ZNF568: variants seen among roughly 807,000 people sequenced by gnomAD.
The protein encoded by ZNF568 is zinc finger protein 568.
A neutral mutation model predicts 18.1 loss-of-function variants in ZNF568; 11 were observed. The observed-to-expected ratio is 0.61, with a 90% CI of 0.38 to 1.00. ZNF568 has a LOEUF of 1.00. Among genes scored for constraint, ZNF568 ranks in the 50% least tolerant of loss-of-function variants. The probability of loss-of-function intolerance (pLI) is 0.01; values close to 1 mark genes in which losing one functional copy is unlikely to be tolerated. For synonymous variants in ZNF568, 213 were observed against 246.6 expected, an observed-to-expected ratio of 0.86 and a Z score of 1.28; for missense variants, 639 against 768.2, an observed-to-expected ratio of 0.83 and a Z score of 1.99.
intron 4 of ZNF568, among the ~76,000 whole-genome samples, chr19:36,927,452 A>G (rs2073574905): frequency 1.3e-5 from 2 of 152,142 alleles, no homozygotes. Flanking sequence ...AACACCGTTT[A>G]TTAAGTAGAT....
intron 6 of ZNF568, among the ~76,000 whole-genome samples, chr19:36,972,730 C>T (rs886394088): frequency 2.0e-5 from 3 of 152,236 alleles, no homozygotes; most frequent in Non-Finnish European, 4.4e-5. Context: ...CAGAGCGCGG[C>T]TCCCTGTGGA....
chr19:36,939,540 T>C (rs1600799743), intron 6 of ZNF568, among the ~76,000 whole-genome samples: 1 of 63,044 alleles, frequency 1.6e-5, no homozygotes, highest in African/African-American at 7.3e-5. Flanking sequence ...TTCTTTTTTT[T>C]TTTTTTTTTT....
At chr19:36,991,913 C>A in intron 4 of ZNF568, 1 of 1,322,780 alleles carries the variant, frequency 7.6e-7, no homozygotes, top group Non-Finnish European at 1.0e-6. Flanking sequence ...TGTGAGAAGG[C>A]AGCACTTCAG....
In ZNF568 at chr19:36,996,552, C is replaced by A; in HGVS notation, c.465C>A (p.Cys155Ter). 6.5e-7 allele frequency: 1 copy of A among 1,535,964 alleles called. No homozygotes were observed. Among genetic ancestry groups the A allele is most frequent in the Non-Finnish European group, 8.7e-7 (1 of 1,146,872 alleles). ...ATACTGGAGAGAAATCCTGTGAATG[C>A]AGGAAATGTAAGAATGCTTTTAGGT... Residue 155 changes from cysteine (C) to a stop codon, truncating the protein, a stop_gained, in exon 5 of 5, where the codon TGC becomes TGA. Coordinates refer to the ZNF568 transcript ENST00000433993. LOFTEE classifies it low-confidence loss of function (END_TRUNC).
chr19:36,926,747 T>C (rs1169830566), intron 4 of ZNF568, among the ~76,000 whole-genome samples: 3 of 152,250 alleles, frequency 2.0e-5, no homozygotes, highest in Non-Finnish European at 4.4e-5. Context: ...GCCAGATGTA[T>C]TGTGCTTTAC....
intron 6 of ZNF568, among the ~76,000 whole-genome samples, chr19:36,960,110 CTTTTTTT>C (rs34588591): frequency 4.6e-5 from 4 of 87,664 alleles, no homozygotes; most frequent in Non-Finnish European, 6.5e-5. Context: ...AATTGTTCTA[CTTTTTTT>C]TTTTTTTTTT....
intron 2 of ZNF568, among the ~76,000 whole-genome samples, chr19:36,921,123 T>C (rs1347978280): frequency 6.6e-6 from 1 of 152,196 alleles, no homozygotes; most frequent in Non-Finnish European, 1.5e-5. Context: ...CATATCTCTG[T>C]TGCAAAGTGA....
chr19:36,949,617 G>T lies in ZNF568; in HGVS notation c.464G>T (p.Cys155Phe), dbSNP rs755604363. 6.2e-7 allele frequency: 1 copy of T among 1,613,566 alleles called. No homozygotes were observed. Among genetic ancestry groups the T allele is most frequent in the Non-Finnish European group, 8.5e-7 (1 of 1,179,826 alleles). Residue 155 changes from cysteine (C) to phenylalanine (F), a missense_variant, in exon 7 of 7, where the codon TGT (cysteine) becomes TTT (phenylalanine). Cys to Phe is a radical substitution (Grantham distance 205, BLOSUM62 -2). Transcript: ENST00000333987. ...KILIKEKVIECKKVAKIFPLS... is the reference protein window; with the variant it reads ...KILIKEKVIEFKKVAKIFPLS... ...CTGATAAAGGAAAAAGTCATTGAAT[G>T]TAAAAAAGTTGCGAAAATATTTCCT...
chr19:36,979,831 A>G (rs2074316830), exon 8 of ZNF568: 1 of 152,150 alleles, frequency 6.6e-6, no homozygotes, highest in African/African-American at 2.4e-5. Flanking sequence ...TAAAGTGTTT[A>G]TTATACTCAT....
chr19:36,932,573 C>T (rs1297099997), intron 4 of ZNF568, among the ~76,000 whole-genome samples: 1 of 152,054 alleles, frequency 6.6e-6, no homozygotes, highest in East Asian at 1.9e-4. Flanking sequence ...GCCTGGGCAA[C>T]AAGAGCGAAA....
At chr19:36,958,612 C>CT (rs2074124582) in intron 6 of ZNF568, among the ~76,000 whole-genome samples, 1 of 84,496 alleles carries the variant, frequency 1.2e-5, no homozygotes, top group African/African-American at 4.7e-5. Flanking sequence ...TTTTCTTTTT[C>CT]TTTCTTTTTT....
At position 36,950,073 on chromosome 19, in the gene ZNF568, C is replaced by T. The variant is rs770291801; in HGVS notation, c.920C>T (p.Ala307Val). The T allele has an allele frequency of 6.2e-7, 1 of 1,613,534 alleles. No individual in the cohort carries two copies. The highest frequency in any genetic ancestry group is 2.2e-5 in the East Asian group (1 of 44,834). Residue 307 changes from alanine to valine, a missense_variant, in exon 7 of 7, where the codon GCA becomes GTA. Ala to Val is a moderately conservative substitution (Grantham distance 64). Coordinates refer to ENST00000333987, the MANE Select transcript of ZNF568 (RefSeq NM_198539.4). ...HRIHTGEKPY[A>V]CKDCWKAFSQ... The stretch of plus-strand genomic sequence containing the variant: ...ATTCATACTGGGGAGAAACCTTATG[C>T]ATGTAAGGATTGTTGGAAAGCCTTC...
intron 4 of ZNF568, among the ~76,000 whole-genome samples, chr19:36,992,933 T>G (rs1379101342): frequency 6.6e-6 from 1 of 152,242 alleles, no homozygotes; most frequent in Non-Finnish European, 1.5e-5. Context: ...TACCAGAATG[T>G]TTTCAAAGTT....
At chr19:36,977,314 A>G (rs1007939620) in intron 7 of ZNF568, among the ~76,000 whole-genome samples, 1 of 152,156 alleles carries the variant, frequency 6.6e-6, no homozygotes. Flanking sequence ...TAAAATTCCA[A>G]ATTTGGAGTG....
In ZNF568 at chr19:36,950,190, A is replaced by T; in HGVS notation, c.1037A>T (p.Lys346Met). The T allele has an allele frequency of 6.2e-7, 1 of 1,613,392 alleles. No homozygotes were observed. Among genetic ancestry groups the T allele is most frequent in the South Asian group, 1.1e-5 (1 of 91,038 alleles). Residue 346 changes from lysine to methionine, a missense_variant, in exon 7 of 7, where the codon AAG becomes ATG. Lys to Met is a moderately conservative substitution (Grantham distance 95). Transcript: ENST00000333987. ...GAATGTGGGAAATCCTTCAGCCAGAAGCAAAATCTTATTGAGCACGAGAAA... is the reference window on the plus strand; with the variant it reads ...GAATGTGGGAAATCCTTCAGCCAGATGCAAAATCTTATTGAGCACGAGAAA... ...CKECGKSFSQKQNLIEHEKIH... is the reference protein window; with the variant it reads ...CKECGKSFSQMQNLIEHEKIH...
At chr19:36,997,354 A>G (rs775538897), downstream of ZNF568, 4 of 1,602,842 alleles carry the variant, frequency 2.5e-6, no homozygotes, top group Non-Finnish European at 3.4e-6. Context: ...CCGACATCAG[A>G]GAGCTCATAC....
chr19:36,934,208 T>C (rs2073748545), intron 4 of ZNF568, among the ~76,000 whole-genome samples: 1 of 151,840 alleles, frequency 6.6e-6, no homozygotes, highest in Admixed American at 6.6e-5. Flanking sequence ...TTCTCTCTAA[T>C]GTTTTTCTAG....
intron 6 of ZNF568, among the ~76,000 whole-genome samples, chr19:36,948,062 T>C (rs960582111): frequency 1.9e-4 from 29 of 152,184 alleles, no homozygotes; most frequent in Admixed American, 6.5e-5. Flanking sequence ...TTTTGGTAAA[T>C]GTATAATGAC....
At chr19:36,972,665 C>G (rs1208979539) in intron 6 of ZNF568, among the ~76,000 whole-genome samples, 1 of 152,254 alleles carries the variant, frequency 6.6e-6, no homozygotes, top group East Asian at 1.9e-4. Flanking sequence ...GCCCCAGGTC[C>G]GGGCCGACTC....
Sources: gnomAD v4.1 joint callset for allele counts (sites outside exome capture counted in the v4.1 genomes callset) on GRCh38, gnomAD v4.1.1 for gene constraint, MANE v1.5 for transcripts, NCBI Gene and HGNC (gene_info 2026-07-23, HGNC 2026-07-21) for gene names.